Variants in ZNF565 observed in about 807,000 individuals in gnomAD.
ZNF565 encodes the protein zinc finger protein 565.
In ZNF565, 27 loss-of-function variants were observed where a neutral mutation model predicts 39.4. That is an observed-to-expected ratio of 0.69 (90% CI 0.51 to 0.95). ZNF565 has a LOEUF of 0.95. ZNF565 is among the 40% of genes least tolerant of loss of function. The pLI is 0.00. For missense variants in ZNF565, 524 were observed against 621.1 expected, an observed-to-expected ratio of 0.84 and a Z score of 1.66; for synonymous variants, 185 against 216.6, an observed-to-expected ratio of 0.85 and a Z score of 1.28.
intron 4 of ZNF565, among the ~76,000 whole-genome samples, chr19:36,185,850 T>C (rs1255851579): frequency 7.0e-6 from 1 of 142,880 alleles, no homozygotes; most frequent in Non-Finnish European, 1.5e-5. Context: ...CCTGCCACCA[T>C]GCCTGGGTAA....
At chr19:36,202,815 A>C (rs888274695) in intron 1 of ZNF565, among the ~76,000 whole-genome samples, 3 of 152,108 alleles carry the variant, frequency 2.0e-5, no homozygotes, top group Non-Finnish European at 2.9e-5. Context: ...TCCTCCTTCC[A>C]AGTCCAAAAT....
chr19:36,182,195 G>A (rs906310241), downstream of ZNF565: 30 of 348,338 alleles, frequency 8.6e-5, no homozygotes, highest in Admixed American at 2.1e-4. Flanking sequence ...GGAATTGTCA[G>A]AAATTTAACA....
At chr19:36,213,250 A>T (rs959409806) in intron 1 of ZNF565, 1 of 152,340 alleles carries the variant, frequency 6.6e-6, no homozygotes, top group African/African-American at 2.4e-5. Context: ...TCGCTCTGTC[A>T]CCTAGACTGG....
intron 4 of ZNF565, among the ~76,000 whole-genome samples, chr19:36,192,579 G>A: frequency 6.6e-6 from 1 of 151,932 alleles, no homozygotes; most frequent in East Asian, 2.0e-4. Flanking sequence ...TGTATCTACT[G>A]AAAATACAAA....
intron 1 of ZNF565, chr19:36,236,269 A>G (rs1302030824): frequency 5.2e-6 from 4 of 775,996 alleles, no homozygotes; most frequent in African/African-American, 1.8e-5. Flanking sequence ...ACTGAGTATG[A>G]TAACATTTCC....
At chr19:36,191,011 CACAT>C (rs1417826507) in intron 4 of ZNF565, among the ~76,000 whole-genome samples, 1 of 134,052 alleles carries the variant, frequency 7.5e-6, no homozygotes, top group Non-Finnish European at 1.6e-5. Context: ...AAAAAAAAAA[CACAT>C]AAAAACAAAC....
upstream of ZNF565, chr19:36,214,860 A>C (rs1976527227): frequency 6.6e-6 from 1 of 152,610 alleles, no homozygotes; most frequent in Non-Finnish European, 1.5e-5. Flanking sequence ...GCAAGCTTGA[A>C]GTCATCTGAC....
chr19:36,220,631 G>T (rs1271122777), intron 1 of ZNF565, among the ~76,000 whole-genome samples: 1 of 152,070 alleles, frequency 6.6e-6, no homozygotes, highest in Non-Finnish European at 1.5e-5. Flanking sequence ...CTCCCAAAGC[G>T]CTGGGATTAC....
At position 36,195,149 on chromosome 19, in the gene ZNF565, A is replaced by G; in HGVS notation, c.17T>C (p.Val6Ala). 6.2e-7 allele frequency: 1 copy of G among 1,613,654 alleles called. No individual in the cohort carries two copies. The highest frequency in any genetic ancestry group is 1.3e-5 in the African/African-American group (1 of 75,026). MAQGL[V>A]TFRDVAIEFS... ...CTCTATGGCCACGTCCCTGAATGTC[A>G]CCAGTCCCTGAAACAATAAACCCAC... Residue 6 changes from valine (V) to alanine (A), a missense_variant, in exon 3 of 5, where the codon GTG becomes GCG. Coordinates refer to ENST00000304116, the MANE Select transcript of ZNF565 (RefSeq NM_152477.5).
chr19:36,212,972 A>G (rs1976416301), intron 1 of ZNF565: 1 of 152,260 alleles, frequency 6.6e-6, no homozygotes, highest in Non-Finnish European at 1.5e-5. Flanking sequence ...AGAGCAAGGA[A>G]TCATGAACAA....
intron 1 of ZNF565, among the ~76,000 whole-genome samples, chr19:36,224,150 G>A (rs1976976775): frequency 6.6e-6 from 1 of 152,202 alleles, no homozygotes; most frequent in Non-Finnish European, 1.5e-5. Flanking sequence ...GCAAGGCCAA[G>A]GTGGGTGGAT....
chr19:36,227,376 C>T (rs983783047), intron 1 of ZNF565, among the ~76,000 whole-genome samples: 10 of 144,846 alleles, frequency 6.9e-5, no homozygotes, highest in Non-Finnish European at 1.5e-4. Context: ...GGCAACAGAA[C>T]GAGTCTCTGT....
At chr19:36,189,937 G>A (rs1490605456) in intron 4 of ZNF565, among the ~76,000 whole-genome samples, 4 of 151,816 alleles carry the variant, frequency 2.6e-5, no homozygotes, top group African/African-American at 4.8e-5. Flanking sequence ...GGGTTCAAGC[G>A]ATTCTCTTGT....
At chr19:36,234,415 A>G (rs544605969) in intron 1 of ZNF565, among the ~76,000 whole-genome samples, 30 of 152,316 alleles carry the variant, frequency 2.0e-4, no homozygotes, top group African/African-American at 7.2e-4. Context: ...ACCTTAGAAG[A>G]TTAACCATGT....
At chr19:36,216,334 G>T (rs921400425), upstream of ZNF565, among the ~76,000 whole-genome samples, 5 of 152,108 alleles carry the variant, frequency 3.3e-5, no homozygotes, top group Non-Finnish European at 4.4e-5. Flanking sequence ...AAACTTAAGT[G>T]AATGTATTAA....
At chr19:36,195,201 T>G (rs114258457) in intron 2 of ZNF565, 45 bp from the exon 3 acceptor site, 21,520 of 1,572,068 alleles carry the variant, frequency 0.014, 223 homozygotes, top group Middle Eastern at 0.047. Context: ...AGAAACTTTT[T>G]TCATTTATTA....
chr19:36,245,424 C>A lies in ZNF565; in HGVS notation c.55+52G>T, dbSNP rs1002120202. The A allele has an allele frequency of 8.6e-6, 6 of 701,132 alleles. No homozygotes were observed. In the African/African-American group the frequency reaches 1.1e-4, roughly 12 times the overall value. The allele number at this position is 701,132 out of a possible 1,614,324, so 43.4% of individuals were successfully genotyped here. On this transcript the variant is annotated intron_variant, in intron 1 of 4. Transcript: ENST00000355114. The surrounding 1 kb of genome is among the most constrained non-coding windows in gnomAD (Gnocchi z 4.4). ...AAGCTCCGCGCTTACGACGCCCACC[C>A]AGAAAATCCGGATCACATTTCCCGT...
At chr19:36,216,619 C>G (rs537394516), upstream of ZNF565, among the ~76,000 whole-genome samples, 1 of 152,152 alleles carries the variant, frequency 6.6e-6, no homozygotes, top group South Asian at 2.1e-4. Flanking sequence ...GATCTCGCCA[C>G]TGCACTCCAG....
intron 4 of ZNF565, among the ~76,000 whole-genome samples, chr19:36,185,797 G>A (rs1276699968): frequency 6.7e-6 from 1 of 148,554 alleles, no homozygotes; most frequent in African/African-American, 2.5e-5. Flanking sequence ...AGGTTCAAGT[G>A]ATTCTCCTGC....
Sources: gnomAD v4.1 joint callset for allele counts (sites outside exome capture counted in the v4.1 genomes callset) on GRCh38, gnomAD v4.1.1 for gene constraint, Gnocchi (gnomAD v3.1) non-coding constraint, MANE v1.5 for transcripts, NCBI Gene and HGNC (gene_info 2026-07-23, HGNC 2026-07-21) for gene names.